The following SMURF1 variants were observed in gnomAD, a reference collection of about 807,000 sequenced individuals.
SMURF1 encodes SMAD specific E3 ubiquitin protein ligase 1.
A neutral mutation model predicts 98.0 loss-of-function variants in SMURF1; 44 were observed. That is an observed-to-expected ratio of 0.45 (90% CI 0.35 to 0.58). The LOEUF (loss-of-function observed/expected upper bound fraction) is 0.58, where lower values mean the gene tolerates loss of function less well. Among genes scored for constraint, SMURF1 ranks in the 20% least tolerant of loss-of-function variants. The pLI is 0.00. For missense variants in SMURF1, 687 were observed against 938.4 expected (o/e 0.73, Z 3.50); for synonymous variants, 396 against 374.9 (o/e 1.06, Z -0.65).
chr7:99,090,361 T>C (rs1340405071), intron 1 of SMURF1, among the ~76,000 whole-genome samples: 1 of 152,162 alleles, frequency 6.6e-6, no homozygotes, highest in Non-Finnish European at 1.5e-5. Flanking sequence ...GCTATAAACC[T>C]ACCCCTTCCT....
At chr7:99,084,349 C>G (rs1202187499) in intron 1 of SMURF1, among the ~76,000 whole-genome samples, 1 of 152,156 alleles carries the variant, frequency 6.6e-6, no homozygotes, top group Admixed American at 6.5e-5. Flanking sequence ...GGCGCGATCT[C>G]AGCTCACTGC....
chr7:99,043,985 G>C (rs545929149), intron 11 of SMURF1, among the ~76,000 whole-genome samples: 1 of 152,146 alleles, frequency 6.6e-6, no homozygotes. Context: ...CAGGAGACAC[G>C]GGGGCTGTCA....
intron 1 of SMURF1, among the ~76,000 whole-genome samples, chr7:99,093,379 G>A (rs1470013030): frequency 1.3e-5 from 2 of 152,080 alleles, no homozygotes; most frequent in Non-Finnish European, 1.5e-5. Flanking sequence ...CTCCTACTTT[G>A]CTTTCAGCTC....
intron 1 of SMURF1, among the ~76,000 whole-genome samples, chr7:99,105,030 C>A (rs78627836): frequency 1.6e-3 from 249 of 152,320 alleles, no homozygotes; most frequent in East Asian, 7.7e-3. Flanking sequence ...AACCAAAACA[C>A]CCTTCTGATA....
At chr7:99,124,021 T>C (rs1208370845) in intron 1 of SMURF1, among the ~76,000 whole-genome samples, 3 of 152,170 alleles carry the variant, frequency 2.0e-5, no homozygotes, top group Non-Finnish European at 4.4e-5. Flanking sequence ...CCAAGGCTAC[T>C]GGTATGTGGT....
chr7:99,035,572 G>A lies in SMURF1; in HGVS notation c.1954C>T (p.Leu652=). The change falls in exon 16 of 18, where the codon CTG becomes TTG. Residue 652 remains leucine (L), a synonymous_variant. Transcript: ENST00000361368. ...CGCGTGGACCCAGTCACAAACTGCA[G>A]GAGCCTGGCCCTCCTTTCTTCATCG... ...TFDEERRARL[L]QFVTGSTRVP... The A allele has an allele frequency of 6.2e-7, 1 of 1,614,240 alleles. No individual in the cohort carries two copies. Among genetic ancestry groups the A allele is most frequent in the Non-Finnish European group, 8.5e-7 (1 of 1,180,052 alleles).
intron 1 of SMURF1, among the ~76,000 whole-genome samples, chr7:99,131,165 TTCTC>T (rs1797864628): frequency 6.6e-6 from 1 of 152,168 alleles, no homozygotes; most frequent in South Asian, 2.1e-4. Context: ...GTCACTAAAA[TTCTC>T]TCTATTGAGC....
chr7:99,057,232 T>C lies in SMURF1; in HGVS notation c.376A>G (p.Thr126Ala), dbSNP rs1180070188. ...ACTATCTGGCCACGAACTGCATCAG[T>C]ATCTGAGGGGTTTAGTTTGCATAGA... ...LDLCKLNPSDTDAVRGQIVVS... is the reference protein window; with the variant it reads ...LDLCKLNPSDADAVRGQIVVS... Residue 126 changes from threonine (T) to alanine (A), a missense_variant, in exon 5 of 18, where the codon ACT becomes GCT. This residue lies in a region of SMURF1 where 415 missense variants were observed against 508.4 expected (regional missense o/e 0.82). Coordinates refer to ENST00000361368, the MANE Select transcript of SMURF1 (RefSeq NM_181349.3). The C allele has an allele frequency of 1.2e-6, 2 of 1,613,950 alleles. No individual in the cohort carries two copies. Among genetic ancestry groups the C allele is most frequent in the South Asian group, 2.2e-5 (2 of 91,074 alleles).
At chr7:99,035,287 G>T (rs1346809951) in intron 16 of SMURF1, 2 of 578,522 alleles carry the variant, frequency 3.5e-6, no homozygotes, top group Non-Finnish European at 6.1e-6. Context: ...GAATCCAGGT[G>T]CCCTGGAGTG....
chr7:99,035,614 G>GCCAGAAC lies in SMURF1; in HGVS notation c.1905_1911dup (p.Gln638ValfsTer10). 6.2e-7 allele frequency: 1 copy of GCCAGAAC among 1,614,228 alleles called. No homozygotes were observed. Among genetic ancestry groups the GCCAGAAC allele is most frequent in the Non-Finnish European group, 8.5e-7 (1 of 1,180,042 alleles). On this transcript the variant is annotated frameshift_variant, in exon 16 of 18. Coordinates refer to ENST00000361368, the MANE Select transcript of SMURF1 (RefSeq NM_181349.3). LOFTEE classifies it high-confidence loss of function. ...TCTTCATCGAACGTCTCCACCGCTTGCCAGAACCACCGCACGATGTTGCTG... is the reference window on the plus strand; with the variant it reads ...TCTTCATCGAACGTCTCCACCGCTTGCCAGAACCCAGAACCACCGCACGATGTTGCTG...
intron 12 of SMURF1, among the ~76,000 whole-genome samples, chr7:99,041,882 C>T (rs1275887023): frequency 1.8e-4 from 27 of 152,206 alleles, no homozygotes; most frequent in Admixed American, 1.8e-3. Flanking sequence ...GTATGAACAG[C>T]TCAGTTTCAC....
At chr7:99,051,225 T>A in intron 8 of SMURF1, 132 bp downstream of exon 8, 2 of 871,354 alleles carry the variant, frequency 2.3e-6, no homozygotes, top group Non-Finnish European at 3.8e-6. Context: ...CTGAAGGAAA[T>A]CCCAGACATC....
intron 1 of SMURF1, among the ~76,000 whole-genome samples, chr7:99,126,348 CT>C (rs765375466): frequency 0.023 from 3,297 of 142,280 alleles, 68 homozygotes; most frequent in African/African-American, 0.063. Flanking sequence ...GCATATATTC[CT>C]TTTTTTTTTT....
At chr7:99,075,042 G>A (rs564568360) in intron 1 of SMURF1, among the ~76,000 whole-genome samples, 1 of 152,148 alleles carries the variant, frequency 6.6e-6, no homozygotes, top group African/African-American at 2.4e-5. Flanking sequence ...TAAAAAGACT[G>A]ACAATACTAA....
chr7:99,056,944 G>A (rs4729506), intron 5 of SMURF1, among the ~76,000 whole-genome samples: 93,654 of 144,506 alleles, frequency 0.65, 32,277 homozygotes, highest in African/African-American at 0.91. Context: ...CGGAGGTTGA[G>A]GTGAGCTGAG....
intron 1 of SMURF1, among the ~76,000 whole-genome samples, chr7:99,098,520 C>A (rs1244660652): frequency 6.6e-6 from 1 of 152,194 alleles, no homozygotes; most frequent in African/African-American, 2.4e-5. Context: ...TGCATTTTCT[C>A]ATTTTCATCA....
At chr7:99,072,923 T>C (rs1259914480) in intron 1 of SMURF1, among the ~76,000 whole-genome samples, 1 of 152,218 alleles carries the variant, frequency 6.6e-6, no homozygotes, top group Non-Finnish European at 1.5e-5. Context: ...AAAATAATTA[T>C]GCTCAACTTG....
chr7:99,044,634 G>T (rs1354811870), intron 11 of SMURF1, among the ~76,000 whole-genome samples: 3 of 152,156 alleles, frequency 2.0e-5, no homozygotes, highest in Admixed American at 1.3e-4. Context: ...GAGGTCCAGA[G>T]ATCATGTCTC....
intron 3 of SMURF1, among the ~76,000 whole-genome samples, chr7:99,057,885 C>T (rs181157616): frequency 5.3e-5 from 8 of 152,080 alleles, no homozygotes; most frequent in African/African-American, 9.6e-5. Context: ...GCATGAGCTA[C>T]TATGCCCAGC....
Sources: gnomAD v4.1 joint callset for allele counts (sites outside exome capture counted in the v4.1 genomes callset) on GRCh38, gnomAD v4.1.1 for gene constraint, gnomAD v4.1.1 regional missense constraint, MANE v1.5 for transcripts, NCBI Gene and HGNC (gene_info 2026-07-23, HGNC 2026-07-21) for gene names.